ESRRB: variants seen among roughly 807,000 people sequenced by gnomAD.
The protein encoded by ESRRB is steroid hormone receptor ERR2.
Under a neutral mutation model 46.0 loss-of-function variants are expected in ESRRB, and 16 were observed. That is an observed-to-expected ratio of 0.35 (90% CI 0.24 to 0.53). The LOEUF is 0.53. Ranked by LOEUF, ESRRB falls within the 20% of genes least tolerant of loss-of-function variation. ESRRB has a pLI of 0.93. For missense variants in ESRRB, 488 were observed against 607.4 expected, an observed-to-expected ratio of 0.80 and a Z score of 2.07; for synonymous variants, 246 against 259.6, an observed-to-expected ratio of 0.95 and a Z score of 0.50.
At chr14:76,461,882 A>G (rs11846770) in intron 2 of ESRRB, among the ~76,000 whole-genome samples, 48,800 of 151,954 alleles carry the variant, frequency 0.32, 8,883 homozygotes, top group African/African-American at 0.5. Flanking sequence ...CGCTGAATGA[A>G]CTCTGCTCAT....
At chr14:76,399,522 G>A (rs1159405965) in intron 1 of ESRRB, among the ~76,000 whole-genome samples, 1 of 152,084 alleles carries the variant, frequency 6.6e-6, no homozygotes, top group Non-Finnish European at 1.5e-5. Context: ...GAATATGCTC[G>A]CTGATGGCAA....
intron 1 of ESRRB, among the ~76,000 whole-genome samples, chr14:76,365,759 T>G (rs112419508): frequency 0.022 from 3,362 of 152,302 alleles, 123 homozygotes; most frequent in African/African-American, 0.077. Context: ...CTGCAAAAAT[T>G]GTTTAGAACT....
intron 1 of ESRRB, among the ~76,000 whole-genome samples, chr14:76,317,310 CTGTGTG>C (rs4024313): frequency 0.085 from 11,378 of 134,428 alleles, 536 homozygotes; most frequent in East Asian, 0.21. Context: ...TGATTAGGCT[CTGTGTG>C]TGTGTGTGTG....
intron 1 of ESRRB, among the ~76,000 whole-genome samples, chr14:76,387,116 C>T (rs1885264052): frequency 6.6e-6 from 1 of 152,158 alleles, no homozygotes; most frequent in Non-Finnish European, 1.5e-5. Flanking sequence ...GGGGAAGCAG[C>T]CCAAATCAGT....
At chr14:76,391,402 G>A (rs917363763) in intron 1 of ESRRB, among the ~76,000 whole-genome samples, 1 of 152,250 alleles carries the variant, frequency 6.6e-6, no homozygotes, top group Admixed American at 6.5e-5. Flanking sequence ...TCCCAGCCCA[G>A]CCCTTTTCCG....
chr14:76,448,542 G>A (rs980028947), intron 2 of ESRRB, among the ~76,000 whole-genome samples: 12 of 151,478 alleles, frequency 7.9e-5, no homozygotes, highest in African/African-American at 2.9e-4. Context: ...CACCATGTTG[G>A]CCAGACTGCT....
At chr14:76,315,588 G>A (rs28641969) in intron 1 of ESRRB, among the ~76,000 whole-genome samples, 44 of 152,286 alleles carry the variant, frequency 2.9e-4, no homozygotes, top group African/African-American at 8.2e-4. Context: ...TGAAACGCAC[G>A]TGAAGTGCTT....
chr14:76,495,210 C>T (rs759128632), intron 6 of ESRRB, among the ~76,000 whole-genome samples: 1 of 152,098 alleles, frequency 6.6e-6, no homozygotes, highest in Admixed American at 6.5e-5. Flanking sequence ...GAATCCATAT[C>T]GAACTTCTGT....
chr14:76,424,279 A>G (rs1336108680), intron 1 of ESRRB, among the ~76,000 whole-genome samples: 1 of 152,098 alleles, frequency 6.6e-6, no homozygotes, highest in Non-Finnish European at 1.5e-5. Context: ...CCATCTGTCC[A>G]CCTGAGTTAA....
At chr14:76,496,840 G>A (rs1259536777) in intron 6 of ESRRB, among the ~76,000 whole-genome samples, 1 of 152,150 alleles carries the variant, frequency 6.6e-6, no homozygotes, top group African/African-American at 2.4e-5. Flanking sequence ...ATGGCCCCCT[G>A]GGAGCCTGCT....
At chr14:76,316,941 C>T (rs760194713) in intron 1 of ESRRB, among the ~76,000 whole-genome samples, 7 of 152,206 alleles carry the variant, frequency 4.6e-5, no homozygotes, top group Non-Finnish European at 8.8e-5. Context: ...CTTCCTCTAG[C>T]TGTTCAAACT....
At chr14:76,330,105 G>C (rs1378661010) in intron 1 of ESRRB, among the ~76,000 whole-genome samples, 4 of 152,070 alleles carry the variant, frequency 2.6e-5, no homozygotes, top group Non-Finnish European at 5.9e-5. Context: ...GGCCAGCAGG[G>C]AGCCCTCCCT....
Position 76,405,275 on chromosome 14 carries a change from C to A in ESRRB, c.50+28824C>A, listed in dbSNP as rs116834692. Among the ~76,000 whole-genome samples, 548 of 151,976 alleles carry A rather than the reference C, an allele frequency of 3.6e-3. 7 individuals carry two copies. Among genetic ancestry groups the A allele is most frequent in the African/African-American group, 0.013 (520 of 41,452 alleles). The stretch of plus-strand genomic sequence containing the variant: ...CACCACTGCACCACTACCACTACAC[C>A]CGGCTAATTTTTTTTTTGTAGAGAC... On this transcript the variant is annotated intron_variant, in intron 1 of 6. Coordinates refer to ENST00000644823, the MANE Select transcript of ESRRB (RefSeq NM_001379180.1).
At chr14:76,324,031 G>T (rs1883898638) in intron 1 of ESRRB, among the ~76,000 whole-genome samples, 1 of 152,188 alleles carries the variant, frequency 6.6e-6, no homozygotes, top group African/African-American at 2.4e-5. Context: ...GGTAGGGGAG[G>T]AGACTAACTT....
At position 76,469,926 on chromosome 14, in the gene ESRRB, G is replaced by GTTTTTTTTTTTTT. The variant is rs1356927268; in HGVS notation, c.577+7267_577+7268insTTTTTTTTTTTTT. On this transcript the variant is annotated intron_variant, in intron 3 of 6. Coordinates refer to ENST00000644823, the MANE Select transcript of ESRRB (RefSeq NM_001379180.1). ...AGGTAAAGACTAGGCTGTGTTTTTT[G>GTTTTTTTTTTTTT]TTGTTTTTTTTTTTTTTCTTTTTTT... Among the ~76,000 whole-genome samples the GTTTTTTTTTTTTT allele has an allele frequency of 3.5e-4, 24 of 67,624 alleles. 2 individuals are homozygous for GTTTTTTTTTTTTT. Among genetic ancestry groups the GTTTTTTTTTTTTT allele is most frequent in the African/African-American group, 4.0e-4 (8 of 19,786 alleles). 44.4% of individuals were successfully genotyped at this position (67,624 alleles called of 152,430 possible).
At chr14:76,439,233 C>A in intron 1 of ESRRB, 108 bp from the exon 2 acceptor site, 2 of 1,295,448 alleles carry the variant, frequency 1.5e-6, no homozygotes, top group South Asian at 1.2e-5. Flanking sequence ...TTTATCGCAC[C>A]AAAGCCTTAG....
intron 1 of ESRRB, among the ~76,000 whole-genome samples, chr14:76,434,061 C>A (rs543556270): frequency 6.6e-6 from 1 of 151,510 alleles, no homozygotes; most frequent in East Asian, 2.0e-4. Flanking sequence ...TGTGTTCAAG[C>A]AATTCGCCTA....
Position 76,500,154 on chromosome 14 carries a change from G to A in ESRRB, c.*1696G>A, listed in dbSNP as rs1376257077. On this transcript the variant is annotated 3_prime_UTR_variant, in exon 7 of 7. Transcript: ENST00000644823. ...CCTCCCGGCCTGGGCTTCTGGGCTG[G>A]GACGTGCTGAGGTCATCCCAGACAG... is the stretch of plus-strand genomic sequence containing the variant. 5.9e-6 allele frequency: 7 copies of A among 1,184,906 alleles called. No homozygotes were observed. The East Asian group carries it at 1.5e-4, about 26-fold the overall frequency. The allele number at this position is 1,184,906 out of a possible 1,614,324, so 73.4% of individuals were successfully genotyped here. A position where few individuals can be genotyped will look rare whatever the true frequency, so the allele number is the denominator to read the frequency against.
Position 76,499,807 on chromosome 14 carries a change from C to A in ESRRB, c.*1349C>A. On this transcript the variant is annotated 3_prime_UTR_variant, in exon 7 of 7. Coordinates refer to ENST00000644823, the MANE Select transcript of ESRRB (RefSeq NM_001379180.1). ...GGGTCACTCTATTTCTGTGGATGGC[C>A]GTGAAAGTTTTCACTAACTCAAGGG... The A allele has an allele frequency of 1.4e-6, 2 of 1,447,688 alleles. No homozygotes were observed. Among genetic ancestry groups the A allele is most frequent in the Non-Finnish European group, 1.9e-6 (2 of 1,028,204 alleles). The allele number at this position is 1,447,688 out of a possible 1,614,324, so 89.7% of individuals were successfully genotyped here. A position where few individuals can be genotyped will look rare whatever the true frequency, so the allele number is the denominator to read the frequency against.
Sources: allele counts gnomAD v4.1 joint callset (sites outside exome capture counted in the v4.1 genomes callset), GRCh38; gene constraint gnomAD v4.1.1; transcripts MANE v1.5; gene names NCBI Gene and HGNC (gene_info 2026-07-23, HGNC 2026-07-21).